CIT: variants seen among roughly 807,000 people sequenced by gnomAD.
CIT encodes the protein citron rho-interacting serine/threonine kinase.
In CIT, 79 loss-of-function variants were observed where a neutral mutation model predicts 272.7. The observed-to-expected ratio is 0.29, with a 90% CI of 0.24 to 0.35. The LOEUF is 0.35. Among genes scored for constraint, CIT ranks in the 10% least tolerant of loss-of-function variants. CIT has a pLI of 1.00. For missense variants in CIT, 1,909 were observed against 2,618.3 expected (o/e 0.73, Z 5.91); for synonymous variants, 948 against 995.6 (o/e 0.95, Z 0.90).
chr12:119,714,652 G>A lies in CIT; in HGVS notation c.4169-318C>T, dbSNP rs1025227654. ...AGCAGACACCACTTCACAACCACTA[G>A]GATGTCTACAGTCTAAAAAAAGGAA... On this transcript the variant is annotated intron_variant, in intron 32 of 47. Coordinates refer to ENST00000392521, the MANE Select transcript of CIT (RefSeq NM_001206999.2). 2.2e-4 allele frequency among the ~76,000 whole-genome samples: 33 copies of A among 152,166 alleles called. 1 individual carries two copies. The highest frequency in any genetic ancestry group is 4.4e-4 in the Non-Finnish European group (30 of 68,032).
At chr12:119,778,650 C>CA (rs370622405) in intron 13 of CIT, among the ~76,000 whole-genome samples, 5 of 151,930 alleles carry the variant, frequency 3.3e-5, no homozygotes, top group South Asian at 4.2e-4. Flanking sequence ...ACGCCCCCCC[C>CA]CCAGAGCATA....
intron 41 of CIT, among the ~76,000 whole-genome samples, chr12:119,702,235 A>G (rs574635333): frequency 5.4e-5 from 8 of 148,180 alleles, no homozygotes; most frequent in Middle Eastern, 3.4e-3. Flanking sequence ...CTCCCAAAGC[A>G]TTAGAATTAC....
Position 119,712,745 on chromosome 12 carries a change from G to T in CIT, c.4580-50C>A. On this transcript the variant is annotated intron_variant, in intron 35 of 47. Coordinates refer to ENST00000392521, the MANE Select transcript of CIT (RefSeq NM_001206999.2). The surrounding 1 kb of genome is among the most constrained non-coding windows in gnomAD (Gnocchi z 5.2). ...AAGAAAAACAAAAGAACAGGAACAAGAACAAGGGGAGAAGAGAGAGCGAGA... is the reference window on the plus strand; with the variant it reads ...AAGAAAAACAAAAGAACAGGAACAATAACAAGGGGAGAAGAGAGAGCGAGA... 6.8e-7 allele frequency: 1 copy of T among 1,466,458 alleles called. No individual in the cohort carries two copies. The highest frequency in any genetic ancestry group is 1.1e-5 in the South Asian group (1 of 87,538). 90.8% of individuals were successfully genotyped at this position (1,466,458 alleles called of 1,614,324 possible).
At chr12:119,862,832 A>AAAAAAAAAAAAAAAAAC (rs1950390006) in intron 3 of CIT, among the ~76,000 whole-genome samples, 1 of 135,564 alleles carries the variant, frequency 7.4e-6, no homozygotes, top group Non-Finnish European at 1.5e-5. Flanking sequence ...AAAAAAAAAA[A>AAAAAAAAAAAAAAAAAC]AAAAAAAAGA....
intron 26 of CIT, among the ~76,000 whole-genome samples, chr12:119,731,392 C>T (rs1958427596): frequency 6.8e-6 from 1 of 147,872 alleles, no homozygotes; most frequent in South Asian, 2.2e-4. Context: ...AGGAGAATTG[C>T]TTGAACTCGG....
chr12:119,726,529 C>T (rs1360948172), intron 28 of CIT, among the ~76,000 whole-genome samples: 1 of 151,374 alleles, frequency 6.6e-6, no homozygotes, highest in Non-Finnish European at 1.5e-5. Context: ...ATATTTTATA[C>T]TCACCCGCAA....
chr12:119,696,051 T>C (rs1161925271), intron 46 of CIT, among the ~76,000 whole-genome samples: 1 of 152,158 alleles, frequency 6.6e-6, no homozygotes, highest in Non-Finnish European at 1.5e-5. Flanking sequence ...GCTGGCTGTA[T>C]TGGCATAAAG....
chr12:119,760,186 CAAA>C (rs556831232), intron 20 of CIT, among the ~76,000 whole-genome samples: 2 of 63,026 alleles, frequency 3.2e-5, no homozygotes. Flanking sequence ...GATTCCATCT[CAAA>C]AAAAAAAAAA....
At position 119,690,338 on chromosome 12, in the gene CIT, C is replaced by G. The variant is rs200787337; in HGVS notation, c.5999G>C (p.Arg2000Pro). The change falls in exon 47 of 48, where the codon CGC becomes CCC. Residue 2000 changes from arginine to proline, a missense_variant. Transcript: ENST00000392521. The surrounding 1 kb of genome is among the most constrained non-coding windows in gnomAD (Gnocchi z 6.0). ...CAGCTCGGTCCGCCCCTCGCGGTAG[C>G]GGTGGGGTGTGCTTGGCTCTCGCGG... ...SHPREPSTPHRYREGRTELRR... is the reference protein window; with the variant it reads ...SHPREPSTPHPYREGRTELRR... 6.3e-7 allele frequency: 1 copy of G among 1,597,300 alleles called. No individual in the cohort carries two copies. The highest frequency in any genetic ancestry group is 8.5e-7 in the Non-Finnish European group (1 of 1,178,284).
intron 26 of CIT, among the ~76,000 whole-genome samples, chr12:119,733,653 C>T (rs949916010): frequency 3.3e-5 from 5 of 151,830 alleles, no homozygotes; most frequent in African/African-American, 4.8e-5. Context: ...GTTGTCACAA[C>T]GTGGGAAGGG....
chr12:119,857,437 C>T, intron 4 of CIT, 86 bp downstream of exon 4: 1 of 1,384,874 alleles, frequency 7.2e-7, no homozygotes, highest in South Asian at 1.3e-5. Context: ...GTGCTTGATC[C>T]TAGACGCCAG....
rs1338186240 is a variant in CIT at position 119,689,012 on chromosome 12, G to T, written c.6187-757C>A. Reference sequence around the variant, plus strand: ...TATGTCTCTAAAAAAAATAAAAAGGGCCGGGGGTGGGGGTGGGAATCAGAC... The same window carrying T: ...TATGTCTCTAAAAAAAATAAAAAGGTCCGGGGGTGGGGGTGGGAATCAGAC... On this transcript the variant is annotated intron_variant, in intron 47 of 47. Coordinates refer to ENST00000392521, the MANE Select transcript of CIT (RefSeq NM_001206999.2). 4.0e-5 allele frequency among the ~76,000 whole-genome samples: 5 copies of T among 125,630 alleles called. No individual in the cohort carries two copies. The East Asian group carries it at 1.4e-3, about 35-fold the overall frequency. The allele number at this position is 125,630 out of a possible 152,430, so 82.4% of individuals were successfully genotyped here. A position where few individuals can be genotyped will look rare whatever the true frequency, so the allele number is the denominator to read the frequency against.
intron 9 of CIT, among the ~76,000 whole-genome samples, chr12:119,815,165 C>T: frequency 6.7e-6 from 1 of 148,158 alleles, no homozygotes; most frequent in South Asian, 2.1e-4. Flanking sequence ...TAATGCAATT[C>T]TAAAGGCAGG....
intron 5 of CIT, among the ~76,000 whole-genome samples, chr12:119,836,046 T>G (rs1421266827): frequency 6.6e-6 from 1 of 152,064 alleles, no homozygotes; most frequent in African/African-American, 2.4e-5. Context: ...CCCAGCACTT[T>G]GGGAGGCCGA....
chr12:119,774,744 A>G (rs1963567401), intron 16 of CIT, among the ~76,000 whole-genome samples: 1 of 152,116 alleles, frequency 6.6e-6, no homozygotes, highest in South Asian at 2.1e-4. Flanking sequence ...AAGCAATGGC[A>G]GGTGGTTCAC....
intron 39 of CIT, among the ~76,000 whole-genome samples, chr12:119,709,514 A>G (rs375055933): frequency 1.1e-4 from 16 of 152,322 alleles, no homozygotes; most frequent in Middle Eastern, 3.4e-3. Context: ...TGAGATTAAG[A>G]AAGGCCAGTT....
At chr12:119,790,377 T>C (rs1415713691) in intron 10 of CIT, among the ~76,000 whole-genome samples, 4 of 152,158 alleles carry the variant, frequency 2.6e-5, no homozygotes, top group African/African-American at 9.7e-5. Flanking sequence ...ATCCTCTAAC[T>C]GGTTGGAACT....
intron 13 of CIT, 94 bp from the exon 14 acceptor site, chr12:119,776,936 G>C: frequency 7.6e-7 from 1 of 1,315,570 alleles, no homozygotes. Context: ...ACACAGGGAA[G>C]ATGCACAGTG....
intron 32 of CIT, among the ~76,000 whole-genome samples, chr12:119,715,024 T>TG (rs1334261760): frequency 1.3e-5 from 2 of 152,230 alleles, no homozygotes; most frequent in African/African-American, 4.8e-5. Context: ...GGGAGGGACT[T>TG]GGTGGGAGAT....
Sources: allele counts gnomAD v4.1 joint callset (sites outside exome capture counted in the v4.1 genomes callset), GRCh38; gene constraint gnomAD v4.1.1; non-coding constraint Gnocchi (gnomAD v3.1); transcripts MANE v1.5; gene names NCBI Gene and HGNC (gene_info 2026-07-23, HGNC 2026-07-21).